DST: variants seen among roughly 807,000 people sequenced by gnomAD.
DST encodes bullous pemphigoid antigen.
A neutral mutation model predicts 875.2 loss-of-function variants in DST; 253 were observed. The observed-to-expected ratio is 0.29, with a 90% CI of 0.26 to 0.32. The LOEUF is 0.32. Among genes scored for constraint, DST ranks in the 10% least tolerant of loss-of-function variants. The pLI, the probability that DST is intolerant of heterozygous loss-of-function variation, is 1.00. For synonymous variants in DST, 3,124 were observed against 3,197.1 expected (o/e 0.98, Z 0.77); for missense variants, 8,287 against 9,111.6 (o/e 0.91, Z 3.68).
chr6:56,708,744 A>T (rs1253588922), intron 5 of DST, among the ~76,000 whole-genome samples: 1 of 152,176 alleles, frequency 6.6e-6, no homozygotes, highest in East Asian at 1.9e-4. Flanking sequence ...GTGGTCGGGA[A>T]TGAACTGAGG....
At chr6:56,562,560 C>T (rs1200248734) in intron 55 of DST, among the ~76,000 whole-genome samples, 1 of 150,290 alleles carries the variant, frequency 6.7e-6, no homozygotes, top group Non-Finnish European at 1.5e-5. Flanking sequence ...GTAAGTGGAG[C>T]TTTAGTTTTT....
intron 15 of DST, among the ~76,000 whole-genome samples, chr6:56,645,661 C>T (rs564188257): frequency 1.5e-4 from 23 of 152,292 alleles, no homozygotes; most frequent in Middle Eastern, 3.4e-3. Context: ...CCAATCCAGC[C>T]TAGCCGGTCA....
intron 90 of DST, among the ~76,000 whole-genome samples, chr6:56,477,909 T>C (rs975536041): frequency 1.3e-5 from 2 of 152,210 alleles, no homozygotes; most frequent in Non-Finnish European, 2.9e-5. Flanking sequence ...GTTTAGGTAA[T>C]AATGACAAGG....
At chr6:56,930,337 G>A (rs1371936611) in intron 2 of DST, among the ~76,000 whole-genome samples, 1 of 152,198 alleles carries the variant, frequency 6.6e-6, no homozygotes, top group Non-Finnish European at 1.5e-5. Flanking sequence ...CAGCTTGAAG[G>A]AAACCCAGGC....
At chr6:56,867,458 G>A (rs184913791) in intron 3 of DST, among the ~76,000 whole-genome samples, 299 of 152,290 alleles carry the variant, frequency 2.0e-3, no homozygotes, top group Non-Finnish European at 3.1e-3. Context: ...GTTATAGGGA[G>A]CTGATAAAGT....
intron 36 of DST, chr6:56,615,184 C>G (rs1247283769): frequency 8.8e-7 from 1 of 1,134,560 alleles, no homozygotes; most frequent in Non-Finnish European, 1.1e-6. Context: ...GATCACTATT[C>G]AATGAAGGGG....
At chr6:56,898,386 T>C (rs543034255) in intron 3 of DST, among the ~76,000 whole-genome samples, 50 of 152,350 alleles carry the variant, frequency 3.3e-4, no homozygotes, top group Admixed American at 2.7e-3. Context: ...TATGTCTTAT[T>C]AACCAAGGCA....
chr6:56,744,098 G>A (rs994398140), intron 4 of DST, among the ~76,000 whole-genome samples: 1 of 149,602 alleles, frequency 6.7e-6, no homozygotes, highest in Admixed American at 6.7e-5. Context: ...GCAGCGAGCC[G>A]AGATCACAGC....
chr6:56,532,590 G>T, intron 63 of DST, 80 bp from the exon 64 acceptor site: 2 of 1,319,086 alleles, frequency 1.5e-6, no homozygotes, highest in Non-Finnish European at 2.1e-6. Flanking sequence ...AAGTACATTT[G>T]AAGTATGACA....
chr6:56,594,567 T>C (rs11962546), intron 47 of DST, among the ~76,000 whole-genome samples: 4,327 of 152,326 alleles, frequency 0.028, 211 homozygotes, highest in African/African-American at 0.098. Flanking sequence ...TGTCTTTACC[T>C]AATTTTTGGA....
chr6:56,808,100 A>G (rs2099755324), intron 4 of DST, among the ~76,000 whole-genome samples: 1 of 152,170 alleles, frequency 6.6e-6, no homozygotes, highest in Admixed American at 6.5e-5. Flanking sequence ...GAGTTTGTTT[A>G]CCTAGAAAGG....
chr6:56,714,350 A>C lies in DST; in HGVS notation c.688-9981T>G, dbSNP rs1393225119. Among the ~76,000 whole-genome samples the C allele has an allele frequency of 1.3e-5, 2 of 152,246 alleles. No individual in the cohort carries two copies. The highest frequency in any genetic ancestry group is 3.8e-4 in the East Asian group (2 of 5,206). On this transcript the variant is annotated intron_variant, in intron 5 of 103. Transcript: ENST00000680361. This position sits in a 1 kb window ranked among gnomAD's most constrained non-coding sequence, Gnocchi z 4.5. ...GAGGATTAAAAGTTTCAAAGTGATC[A>C]CTTCCTAAATGACATCATAAGTCTG...
Position 56,605,663 on chromosome 6 carries a change from T to G in DST, c.8965A>C (p.Lys2989Gln), listed in dbSNP as rs754766247. ...KDEYFKNMTP[K>Q]VDSSLDHIIC... ...ATGTGATCAAGAGATGAGTCAACTT[T>G]TGGTGTCATATTCTTAAAATATTCA... The change falls in exon 40 of 104, where the codon AAA becomes CAA. Residue 2989 changes from lysine (K) to glutamine (Q), a missense_variant. Physicochemically the swap from Lys to Gln is moderately conservative, Grantham distance 53. Coordinates refer to ENST00000680361, the MANE Select transcript of DST (RefSeq NM_001374736.1). The G allele has an allele frequency of 7.4e-6, 12 of 1,612,888 alleles. No individual in the cohort carries two copies. Among genetic ancestry groups the G allele is most frequent in the Admixed American group, 1.7e-5 (1 of 59,912 alleles).
chr6:56,607,586 T>A lies in DST; in HGVS notation c.7042A>T (p.Thr2348Ser). 6.2e-7 allele frequency: 1 copy of A among 1,612,876 alleles called. No homozygotes were observed. The highest frequency in any genetic ancestry group is 8.5e-7 in the Non-Finnish European group (1 of 1,179,404). The change falls in exon 40 of 104, where the codon ACA (threonine) becomes TCA (serine). Residue 2348 changes from threonine (T) to serine (S), a missense_variant. Thr to Ser is a moderately conservative substitution (Grantham distance 58). Around this residue, in one of 10 missense-constraint regions of DST, gnomAD observed 3,138 missense variants for 3,116.6 expected, o/e 1.01. Transcript: ENST00000680361. The stretch of plus-strand genomic sequence containing the variant: ...CTAATGTCTGCAAGTTCAGTCTGTG[T>A]TAAATATGATATGAGACTGGGAACA... ...VCVPSLISYLTQTELADISML... is the reference protein window; with the variant it reads ...VCVPSLISYLSQTELADISML...
intron 5 of DST, among the ~76,000 whole-genome samples, chr6:56,722,510 A>G (rs553926477): frequency 1.3e-3 from 202 of 152,142 alleles, no homozygotes; most frequent in African/African-American, 4.6e-3. Context: ...CAGCCTCCTG[A>G]GTAGCTGGGA....
At chr6:56,907,305 A>G (rs894559714) in intron 2 of DST, among the ~76,000 whole-genome samples, 1 of 152,226 alleles carries the variant, frequency 6.6e-6, no homozygotes, top group Admixed American at 6.5e-5. Flanking sequence ...AAAATCTGTA[A>G]CGCACACAAT....
At position 56,472,197 on chromosome 6, in the gene DST, C is replaced by G; in HGVS notation, c.22020G>C (p.Leu7340Phe). 1 of 1,613,848 alleles carries G rather than the reference C, an allele frequency of 6.2e-7. No individual in the cohort carries two copies. Among genetic ancestry groups the G allele is most frequent in the Non-Finnish European group, 8.5e-7 (1 of 1,179,824 alleles). ...AGRKRFPASS[L>F]YPSGSQTQIE... ...TTTGTGTCTGTGACCCAGAGGGATA[C>G]AAGCTTGATGCTGGAAAGCGTTTTC... The change falls in exon 94 of 104, where the codon TTG (leucine) becomes TTC (phenylalanine). Residue 7340 changes from leucine to phenylalanine, a missense_variant. By Grantham distance (22) the Leu-to-Phe change is conservative. Around this residue, in one of 10 missense-constraint regions of DST, gnomAD observed 1,292 missense variants for 1,552.7 expected, o/e 0.83. Coordinates refer to ENST00000680361, the MANE Select transcript of DST (RefSeq NM_001374736.1).
intron 80 of DST, among the ~76,000 whole-genome samples, chr6:56,499,557 GA>G: frequency 6.6e-6 from 1 of 152,196 alleles, no homozygotes; most frequent in South Asian, 2.1e-4. Flanking sequence ...GAAAGGAACG[GA>G]AACATTCGCC....
intron 4 of DST, among the ~76,000 whole-genome samples, chr6:56,753,646 G>A (rs2152954735): frequency 6.6e-6 from 1 of 152,064 alleles, no homozygotes; most frequent in Non-Finnish European, 1.5e-5. Flanking sequence ...ATCTAGTAAT[G>A]GCAACATCAG....
Sources: gnomAD v4.1 joint callset for allele counts (sites outside exome capture counted in the v4.1 genomes callset) on GRCh38, gnomAD v4.1.1 for gene constraint, gnomAD v4.1.1 regional missense constraint, Gnocchi (gnomAD v3.1) non-coding constraint, MANE v1.5 for transcripts, NCBI Gene and HGNC (gene_info 2026-07-23, HGNC 2026-07-21) for gene names.